ARHGEF16: variants seen among roughly 807,000 people sequenced by gnomAD.
ARHGEF16 encodes Rho guanine exchange factor (GEF) 16.
In ARHGEF16, 59 loss-of-function variants were observed where a neutral mutation model predicts 74.1. The observed-to-expected ratio is 0.80, with a 90% confidence interval of 0.65 to 0.99. The LOEUF is 0.99. Among genes scored for constraint, ARHGEF16 ranks in the 50% least tolerant of loss-of-function variants. The pLI is 0.00. For synonymous variants in ARHGEF16, 415 were observed against 412.6 expected (o/e 1.01, Z -0.07); for missense variants, 948 against 986.6 (o/e 0.96, Z 0.52).
Position 3,471,727 on chromosome 1 carries a change from C to G in ARHGEF16, c.1023-1351C>G, listed in dbSNP as rs59295712. The stretch of plus-strand genomic sequence containing the variant: ...GGCGGGAAGCTCCGGCCTCCTCCCC[C>G]AGCTGGGCCCCCGACAGCTCCTGGC... On this transcript the variant is annotated intron_variant, in intron 6 of 14. Transcript: ENST00000378378. The G allele has an allele frequency of 1.1e-3, 1,397 of 1,218,466 alleles. 18 individuals are homozygous for G. The African/African-American group carries it at 0.021, about 19-fold the overall frequency. 75.5% of individuals were successfully genotyped at this position (1,218,466 alleles called of 1,614,324 possible).
At chr1:3,466,846 C>A (rs1268810581) in intron 3 of ARHGEF16, 6 of 263,182 alleles carry the variant, frequency 2.3e-5, no homozygotes, top group Non-Finnish European at 3.6e-5. Context: ...GAGGGGGTAC[C>A]CAGGTCTCCT....
At chr1:3,458,621 A>G (rs1349235998) in intron 1 of ARHGEF16, among the ~76,000 whole-genome samples, 2 of 152,228 alleles carry the variant, frequency 1.3e-5, no homozygotes, top group African/African-American at 4.8e-5. Flanking sequence ...ACCTCCCGCC[A>G]TCATAAGGCC....
In ARHGEF16 at chr1:3,462,981, A is replaced by G. The variant is rs377321084; in HGVS notation, c.-19-85A>G. On this transcript the variant is annotated intron_variant, in intron 1 of 14. Transcript: ENST00000378378. Reference sequence around the variant, plus strand: ...GGAGCTGTACTGGAGCCCCGGCCAGACATATGCAAAGGGGTAGGGGGGTGG... The same window carrying G: ...GGAGCTGTACTGGAGCCCCGGCCAGGCATATGCAAAGGGGTAGGGGGGTGG... The G allele has an allele frequency of 5.2e-4, 494 of 956,484 alleles. 6 individuals carry two copies. In the South Asian group the frequency reaches 9.2e-3, roughly 18 times the overall value. The allele number at this position is 956,484 out of a possible 1,614,324, so 59.2% of individuals were successfully genotyped here. A position where few individuals can be genotyped will look rare whatever the true frequency, so the allele number is the denominator to read the frequency against.
At chr1:3,474,284 C>A in intron 8 of ARHGEF16, 1 of 236,310 alleles carries the variant, frequency 4.2e-6, no homozygotes, top group Non-Finnish European at 8.5e-6. Flanking sequence ...GTGCATGCTG[C>A]CCATACACAC....
chr1:3,461,684 TGTA>T (rs1639399039), intron 1 of ARHGEF16, among the ~76,000 whole-genome samples: 2 of 152,170 alleles, frequency 1.3e-5, no homozygotes, highest in Admixed American at 1.3e-4. Flanking sequence ...GGAGGTGATG[TGTA>T]GCCACAACAG....
intron 1 of ARHGEF16, among the ~76,000 whole-genome samples, chr1:3,461,055 C>G (rs913723746): frequency 1.1e-4 from 16 of 152,196 alleles, no homozygotes; most frequent in African/African-American, 3.9e-4. Flanking sequence ...GCGAGTGACT[C>G]AGCCTTGTTT....
rs550038788 is a variant in ARHGEF16 at position 3,480,395 on chromosome 1, C to T, written c.1991-53C>T. On this transcript the variant is annotated intron_variant, in intron 14 of 14. Transcript: ENST00000378378. ...CTCAGGCATAGCAGCTCAGAGGGGC[C>T]GGGGGACCCACGGCCTTCCCCTCAC... The T allele has an allele frequency of 7.5e-5, 120 of 1,603,468 alleles. No individual in the cohort carries two copies. The Admixed American group carries it at 9.2e-4, about 12-fold the overall frequency.
At chr1:3,471,494 A>T (rs1639721089) in intron 6 of ARHGEF16, 2 of 353,228 alleles carry the variant, frequency 5.7e-6, no homozygotes, top group Non-Finnish European at 8.1e-6. Flanking sequence ...TCCAGGGACC[A>T]GCTATGGGAA....
At chr1:3,480,313 T>C (rs1569887678) in intron 14 of ARHGEF16, 135 bp from the exon 15 acceptor site, 1 of 1,293,418 alleles carries the variant, frequency 7.7e-7, no homozygotes, top group East Asian at 2.4e-5. Context: ...CCTCAGCAGC[T>C]GTCTGCTCTG....
At chr1:3,474,824 C>T (rs775653157) in intron 9 of ARHGEF16, 42 bp downstream of exon 9, 3 of 1,591,844 alleles carry the variant, frequency 1.9e-6, no homozygotes, top group East Asian at 2.2e-5. Context: ...AGTCCTGTAC[C>T]CCGACCCTGT....
chr1:3,477,524 G>C (rs564986656), intron 10 of ARHGEF16, among the ~76,000 whole-genome samples: 2 of 150,506 alleles, frequency 1.3e-5, no homozygotes, highest in South Asian at 4.3e-4. Flanking sequence ...TTGTGCCTAG[G>C]AGGCCCAGCG....
At position 3,477,751 on chromosome 1, in the gene ARHGEF16, C is replaced by A. The variant is rs1056679341; in HGVS notation, c.1474-124C>A. 3.5e-4 allele frequency: 307 copies of A among 882,106 alleles called. 3 individuals carry two copies. Among genetic ancestry groups the A allele is most frequent in the South Asian group, 1.4e-3 (87 of 62,168 alleles). 54.6% of individuals were successfully genotyped at this position (882,106 alleles called of 1,614,324 possible). The stretch of plus-strand genomic sequence containing the variant: ...GAGGGCAGCCAGCTGGTCACCCAGT[C>A]CAGAGGCAGGAGTCAGTCCCACCTG... On this transcript the variant is annotated intron_variant, in intron 10 of 14. Transcript: ENST00000378378.
At chr1:3,472,875 T>G in intron 6 of ARHGEF16, 1 of 295,598 alleles carries the variant, frequency 3.4e-6, no homozygotes, top group Non-Finnish European at 6.6e-6. Context: ...TCTGACCACT[T>G]CCCACCCGCC....
rs750433684 is a variant in ARHGEF16 at position 3,473,532 on chromosome 1, C to A, written c.1305+10C>A. ...GCCCCTCCTGATGGATGTAAGTCCA[C>A]GGCCTGAGGGTGGGGCCGGGCATAC... is the stretch of plus-strand genomic sequence containing the variant. On this transcript the variant is annotated intron_variant, in intron 8 of 14. Transcript: ENST00000378378. 1 of 1,605,312 alleles carries A rather than the reference C, an allele frequency of 6.2e-7. No individual in the cohort carries two copies. Among genetic ancestry groups the A allele is most frequent in the Non-Finnish European group, 8.5e-7 (1 of 1,179,970 alleles).
intron 11 of ARHGEF16, 89 bp downstream of exon 11, chr1:3,478,115 C>T (rs1639944744): frequency 2.6e-6 from 4 of 1,549,250 alleles, no homozygotes; most frequent in Non-Finnish European, 3.5e-6. Flanking sequence ...GGAGTTGGCC[C>T]TGAGCCCCTC....
At chr1:3,474,218 C>T (rs1415198709) in intron 8 of ARHGEF16, 1 of 204,062 alleles carries the variant, frequency 4.9e-6, no homozygotes, top group East Asian at 1.2e-4. Flanking sequence ...GGTGCACACA[C>T]ATACACGTGG....
chr1:3,461,226 G>A (rs148875898), intron 1 of ARHGEF16, among the ~76,000 whole-genome samples: 244 of 152,288 alleles, frequency 1.6e-3, no homozygotes, highest in African/African-American at 5.3e-3. Flanking sequence ...TCTCCATGTC[G>A]TTACCTTTTG....
intron 1 of ARHGEF16, 86 bp downstream of exon 1, chr1:3,454,897 C>G (rs1639229798): frequency 6.6e-6 from 1 of 152,120 alleles, no homozygotes; most frequent in Admixed American, 6.5e-5. Flanking sequence ...GGGGAGGCGC[C>G]GGGAACCCGG....
intron 11 of ARHGEF16, 155 bp from the exon 12 acceptor site, chr1:3,478,269 T>C: frequency 1.0e-6 from 1 of 961,800 alleles, no homozygotes; most frequent in Non-Finnish European, 1.6e-6. Context: ...TCGAAAGCCA[T>C]GGCCTCTGTT....
Sources: gnomAD v4.1 joint callset for allele counts (sites outside exome capture counted in the v4.1 genomes callset) on GRCh38, gnomAD v4.1.1 for gene constraint, MANE v1.5 for transcripts, NCBI Gene and HGNC (gene_info 2026-07-23, HGNC 2026-07-21) for gene names.